Variants in ALDH3B1 observed in about 807,000 individuals in gnomAD.
ALDH3B1 encodes aldehyde dehydrogenase family 3 member B1.
Under a neutral mutation model 46.2 loss-of-function variants are expected in ALDH3B1, and 37 were observed. The ratio of observed to expected loss-of-function variants is 0.80; its 90% CI spans 0.62 to 1.05. The LOEUF (loss-of-function observed/expected upper bound fraction) is 1.05, where lower values mean the gene tolerates loss of function less well. ALDH3B1 is among the 50% of genes least tolerant of loss of function. The pLI, the probability that ALDH3B1 is intolerant of heterozygous loss-of-function variation, is 0.00. For missense variants in ALDH3B1, 603 were observed against 665.5 expected (o/e 0.91, Z 1.03); for synonymous variants, 283 against 281.0 (o/e 1.01, Z -0.07).
In ALDH3B1 at chr11:68,019,741, G is replaced by T; in HGVS notation, c.507G>T (p.Gly169=). Reference sequence around the variant, plus strand: ...GCTGCTTTGCTGTGGTGCTGGGCGGGCCCCAGGAGACGGGGCAGCTGCTAG... The same window carrying T: ...GCTGCTTTGCTGTGGTGCTGGGCGGTCCCCAGGAGACGGGGCAGCTGCTAG... ...DQSCFAVVLG[G]PQETGQLLEH... Residue 169 remains glycine (G), a synonymous_variant, in exon 6 of 10, where the codon GGG becomes GGT. Coordinates refer to ENST00000342456, the MANE Select transcript of ALDH3B1 (RefSeq NM_000694.4). The T allele has an allele frequency of 1.2e-6, 2 of 1,614,146 alleles. No individual in the cohort carries two copies. The highest frequency in any genetic ancestry group is 1.7e-6 in the Non-Finnish European group (2 of 1,179,972).
chr11:68,013,811 C>T (rs77614679), intron 1 of ALDH3B1, among the ~76,000 whole-genome samples: 196 of 152,342 alleles, frequency 1.3e-3, no homozygotes, highest in East Asian at 6.9e-3. Flanking sequence ...GCTCCCGTGA[C>T]GAGCCATCCC....
At chr11:68,015,108 G>T in intron 1 of ALDH3B1, 189 bp from the exon 2 acceptor site, 1 of 557,534 alleles carries the variant, frequency 1.8e-6, no homozygotes. Context: ...TTGGGTGAAA[G>T]GGGTTGCAGG....
At chr11:68,026,158 T>C in intron 9 of ALDH3B1, 50 bp downstream of exon 9, 1 of 1,441,814 alleles carries the variant, frequency 6.9e-7, no homozygotes, top group African/African-American at 1.4e-5. Flanking sequence ...CAAATTGCAA[T>C]AGTGTTACCT....
chr11:68,017,091 CAG>C (rs1857369225), intron 2 of ALDH3B1: 1 of 152,354 alleles, frequency 6.6e-6, no homozygotes, highest in South Asian at 2.1e-4. Context: ...AGAAGAGGCT[CAG>C]AGAGAGTGTG....
At chr11:68,010,601 T>TC in intron 1 of ALDH3B1, among the ~76,000 whole-genome samples, 1 of 151,922 alleles carries the variant, frequency 6.6e-6, no homozygotes, top group African/African-American at 2.4e-5. Context: ...GGCAGCGAGG[T>TC]CCCGGGCACC....
chr11:68,011,992 T>A (rs1590769916), intron 1 of ALDH3B1, among the ~76,000 whole-genome samples: 1 of 152,208 alleles, frequency 6.6e-6, no homozygotes, highest in East Asian at 1.9e-4. Context: ...ACACATGTGG[T>A]TGCTGCAGTT....
rs189250842 is a variant in ALDH3B1, at chr11:68,013,785, C to T, written c.-1-1512C>T. On this transcript the variant is annotated intron_variant, in intron 1 of 9. Coordinates refer to ENST00000342456, the MANE Select transcript of ALDH3B1 (RefSeq NM_000694.4). The stretch of plus-strand genomic sequence containing the variant: ...TGGCTCGAGAGGCTCGTTCTTGGCT[C>T]CTGGGTCTCAGTCCTGCTCCCGTGA... Among the ~76,000 whole-genome samples the T allele has an allele frequency of 1.2e-4, 18 of 152,322 alleles. No individual in the cohort carries two copies. The East Asian group carries it at 3.5e-3, about 29-fold the overall frequency.
chr11:68,026,012 G>T lies in ALDH3B1; in HGVS notation c.1120G>T (p.Val374Phe). Residue 374 changes from valine (V) to phenylalanine (F), a missense_variant, in exon 9 of 10, where the codon GTC (valine) becomes TTC (phenylalanine). By Grantham distance (50) the Val-to-Phe change is conservative. Transcript: ENST00000342456. ...CGCACATCCTGTTCTCTCCCAGGTG[G>T]TCAAGCGGGTGCTGACCCAGACCAG... is the stretch of plus-strand genomic sequence containing the variant. ...LYAFSNSSQVVKRVLTQTSSG... is the reference protein window; with the variant it reads ...LYAFSNSSQVFKRVLTQTSSG... 1 of 1,597,760 alleles carries T rather than the reference G, an allele frequency of 6.3e-7. No individual in the cohort carries two copies. The highest frequency in any genetic ancestry group is 8.5e-7 in the Non-Finnish European group (1 of 1,172,038).
At chr11:68,020,892 T>C (rs1857475433) in intron 6 of ALDH3B1, among the ~76,000 whole-genome samples, 1 of 152,078 alleles carries the variant, frequency 6.6e-6, no homozygotes, top group Admixed American at 6.5e-5. Flanking sequence ...GAGAAGGCTG[T>C]GTGCATGCGG....
upstream of ALDH3B1, among the ~76,000 whole-genome samples, chr11:68,009,613 G>A (rs186009505): frequency 6.6e-5 from 10 of 152,366 alleles, 1 homozygote; most frequent in East Asian, 1.5e-3. Flanking sequence ...GGCTGCATGC[G>A]TCAGCTAACA....
chr11:68,017,878 T>TA (rs1242694050), intron 2 of ALDH3B1: 4 of 150,916 alleles, frequency 2.7e-5, no homozygotes, highest in Admixed American at 6.6e-5. Flanking sequence ...TTTTTGAAAT[T>TA]AAAAAAAAAC....
chr11:68,023,106 A>G (rs972908620), intron 8 of ALDH3B1, among the ~76,000 whole-genome samples: 6 of 152,164 alleles, frequency 3.9e-5, no homozygotes, highest in African/African-American at 1.4e-4. Flanking sequence ...GGCACAGGCA[A>G]CGTGTCGGGG....
rs1332100295 is a variant in ALDH3B1 at position 68,028,885 on chromosome 11, G to A, written c.*946G>A. ...CTTCCCTCCAGCCCATGCCAGAGGA[G>A]CTTGTAACTCTTTATCCTCATGGTG... On this transcript the variant is annotated 3_prime_UTR_variant, in exon 10 of 10. Coordinates refer to ENST00000342456, the MANE Select transcript of ALDH3B1 (RefSeq NM_000694.4). 2 of 152,236 alleles carry A rather than the reference G, an allele frequency of 1.3e-5. No individual in the cohort carries two copies. Among genetic ancestry groups the A allele is most frequent in the Non-Finnish European group, 2.9e-5 (2 of 68,108 alleles). 9.4% of individuals were successfully genotyped at this position (152,236 alleles called of 1,614,324 possible).
intron 8 of ALDH3B1, among the ~76,000 whole-genome samples, chr11:68,023,937 C>T (rs916925521): frequency 6.7e-6 from 1 of 149,598 alleles, no homozygotes; most frequent in African/African-American, 2.5e-5. Context: ...GCCAGCTGCT[C>T]GGGAGGCTGA....
Position 68,019,039 on chromosome 11 carries a change from G to A in ALDH3B1, c.395-131G>A. 2 of 1,451,972 alleles carry A rather than the reference G, an allele frequency of 1.4e-6. 1 individual carries two copies. The highest frequency in any genetic ancestry group is 2.6e-5 in the South Asian group (2 of 76,184). The allele number at this position is 1,451,972 out of a possible 1,614,324, so 89.9% of individuals were successfully genotyped here. A position where few individuals can be genotyped will look rare whatever the true frequency, so the allele number is the denominator to read the frequency against. On this transcript the variant is annotated intron_variant, in intron 4 of 9. Transcript: ENST00000342456. Reference sequence around the variant, plus strand: ...CCGTCCCCGGGCTGTGTGGCCCTGGGCCCGTCATGTTACCTCTCTGAACCA... The same window carrying A: ...CCGTCCCCGGGCTGTGTGGCCCTGGACCCGTCATGTTACCTCTCTGAACCA...
At chr11:68,026,317 G>A (rs1857622421) in intron 9 of ALDH3B1, among the ~76,000 whole-genome samples, 1 of 152,142 alleles carries the variant, frequency 6.6e-6, no homozygotes, top group South Asian at 2.1e-4. Context: ...TCAAAAAAAA[G>A]TCTGTGGTGG....
At chr11:68,019,929 C>T (rs963151975) in intron 6 of ALDH3B1, 133 bp downstream of exon 6, 39 of 992,182 alleles carry the variant, frequency 3.9e-5, no homozygotes, top group Non-Finnish European at 5.6e-5. Flanking sequence ...AGGCTGGGAG[C>T]AGTCCTGGAC....
chr11:68,018,993 C>A, intron 4 of ALDH3B1, 100 bp downstream of exon 4: 2 of 1,483,140 alleles, frequency 1.3e-6, no homozygotes. Context: ...GCCCAGGTGG[C>A]AAAGAGGACT....
chr11:68,027,782 TC>T lies in ALDH3B1; in HGVS notation c.1251del (p.Ser418ProfsTer34). 1 of 1,559,998 alleles carries T rather than the reference TC, an allele frequency of 6.4e-7. No individual in the cohort carries two copies. ...GGGATGGGCCGGTACCATGGCAAGTTCTCCTTCGACACCTTCTCCCACCATC... is the reference window on the plus strand; with the variant it reads ...GGGATGGGCCGGTACCATGGCAAGTTTCCTTCGACACCTTCTCCCACCATC... ...ASGMGRYHGKFSFDTFSHHRA... is the reference protein window; with the variant it reads ...ASGMGRYHGKXSFDTFSHHRA... On this transcript the variant is annotated frameshift_variant, in exon 10 of 10. Coordinates refer to ENST00000342456, the MANE Select transcript of ALDH3B1 (RefSeq NM_000694.4). LOFTEE classifies it high-confidence loss of function.
Sources: gnomAD v4.1 joint callset for allele counts (sites outside exome capture counted in the v4.1 genomes callset) on GRCh38, gnomAD v4.1.1 for gene constraint, MANE v1.5 for transcripts, NCBI Gene and HGNC (gene_info 2026-07-23, HGNC 2026-07-21) for gene names.